TNIK: variants seen among roughly 807,000 people sequenced by gnomAD.
The protein encoded by TNIK is TRAF2 and NCK-interacting protein kinase.
TNIK carries 49 observed loss-of-function variants against 191.3 expected under a neutral mutation model. That is an observed-to-expected ratio of 0.26 (90% CI 0.20 to 0.32). TNIK has a LOEUF of 0.32. TNIK is among the 10% of genes least tolerant of loss of function. The pLI is 1.00. For missense variants in TNIK, 1,155 were observed against 1,702.3 expected, an observed-to-expected ratio of 0.68 and a Z score of 5.66; for synonymous variants, 594 against 600.9, an observed-to-expected ratio of 0.99 and a Z score of 0.17.
chr3:171,219,448 C>A (rs965461186), intron 3 of TNIK, among the ~76,000 whole-genome samples: 7 of 150,796 alleles, frequency 4.6e-5, no homozygotes, highest in African/African-American at 1.5e-4. Context: ...CCAGGTTCAA[C>A]CTTAGCAAGC....
intron 2 of TNIK, among the ~76,000 whole-genome samples, chr3:171,288,853 C>T (rs1751358491): frequency 7.0e-6 from 1 of 143,822 alleles, no homozygotes; most frequent in South Asian, 2.2e-4. Context: ...GAAGCACTAA[C>T]AATATTTGGC....
intron 28 of TNIK, among the ~76,000 whole-genome samples, chr3:171,073,287 TAAAC>T (rs1719440306): frequency 6.6e-6 from 1 of 151,630 alleles, no homozygotes; most frequent in Non-Finnish European, 1.5e-5. Flanking sequence ...TCAACAAACA[TAAAC>T]AATGAGGAAA....
chr3:171,434,458 TA>T (rs1404025952), intron 1 of TNIK, among the ~76,000 whole-genome samples: 5 of 151,626 alleles, frequency 3.3e-5, no homozygotes, highest in African/African-American at 1.2e-4. Context: ...TTTATTTATT[TA>T]TTTATTTATT....
chr3:171,313,807 G>A (rs771148039), intron 2 of TNIK, among the ~76,000 whole-genome samples: 23 of 152,060 alleles, frequency 1.5e-4, no homozygotes, highest in Non-Finnish European at 2.5e-4. Context: ...CAGTTATAGT[G>A]CTAAATGAAT....
chr3:171,380,130 C>T (rs577672304), intron 1 of TNIK, among the ~76,000 whole-genome samples: 1 of 152,286 alleles, frequency 6.6e-6, no homozygotes, highest in East Asian at 1.9e-4. Context: ...TGGTCCCTTC[C>T]CTCCCATCAT....
intron 2 of TNIK, among the ~76,000 whole-genome samples, chr3:171,280,432 T>A (rs1211965949): frequency 6.6e-6 from 1 of 152,220 alleles, no homozygotes; most frequent in Non-Finnish European, 1.5e-5. Flanking sequence ...GAACCTCAGT[T>A]TTTAAAATCT....
Position 171,061,801 on chromosome 3 carries a change from T to C in TNIK, c.*2080A>G, listed in dbSNP as rs181356430. ...CAATCCAAAAAGTTATTGCTGAATTTGTGGCATGGAATTTGAGAAGATAGT... is the reference window on the plus strand; with the variant it reads ...CAATCCAAAAAGTTATTGCTGAATTCGTGGCATGGAATTTGAGAAGATAGT... On this transcript the variant is annotated 3_prime_UTR_variant, in exon 33 of 33. Transcript: ENST00000436636. The C allele has an allele frequency of 1.2e-4, 18 of 152,302 alleles. 1 individual carries two copies. The East Asian group carries it at 3.5e-3, about 29-fold the overall frequency. The allele number at this position is 152,302 out of a possible 1,614,324, so 9.4% of individuals were successfully genotyped here. A position where few individuals can be genotyped will look rare whatever the true frequency, so the allele number is the denominator to read the frequency against.
intron 7 of TNIK, among the ~76,000 whole-genome samples, chr3:171,178,240 T>A (rs1477399197): frequency 6.6e-6 from 1 of 152,196 alleles, no homozygotes; most frequent in African/African-American, 2.4e-5. Context: ...TTATTTATAT[T>A]CAATTGGTTT....
intron 1 of TNIK, among the ~76,000 whole-genome samples, chr3:171,395,649 T>G (rs182620714): frequency 2.4e-3 from 365 of 152,328 alleles, no homozygotes; most frequent in African/African-American, 8.3e-3. Context: ...AAAAGATATC[T>G]TTTCTACGAT....
chr3:171,170,270 T>A (rs1735111513), intron 9 of TNIK, among the ~76,000 whole-genome samples: 1 of 152,238 alleles, frequency 6.6e-6, no homozygotes, highest in Admixed American at 6.5e-5. Context: ...TCAGAGTCAC[T>A]AAATACTTTA....
intron 2 of TNIK, among the ~76,000 whole-genome samples, chr3:171,250,364 C>T (rs1182719205): frequency 2.0e-5 from 3 of 152,070 alleles, no homozygotes; most frequent in Non-Finnish European, 2.9e-5. Context: ...AGCTCCAGTA[C>T]CTTAAAAATT....
At chr3:171,339,478 C>A (rs1221588125) in intron 2 of TNIK, among the ~76,000 whole-genome samples, 1 of 152,230 alleles carries the variant, frequency 6.6e-6, no homozygotes, top group Non-Finnish European at 1.5e-5. Context: ...CAGTCCCCAT[C>A]CATGGAAGCT....
intron 22 of TNIK, among the ~76,000 whole-genome samples, chr3:171,096,553 AT>A (rs1722741719): frequency 6.6e-6 from 1 of 152,090 alleles, no homozygotes; most frequent in South Asian, 2.1e-4. Flanking sequence ...TCCTATGTAC[AT>A]TATGCTAGAA....
At chr3:171,080,390 A>G (rs2108359475) in intron 27 of TNIK, among the ~76,000 whole-genome samples, 1 of 152,102 alleles carries the variant, frequency 6.6e-6, no homozygotes, top group South Asian at 2.1e-4. Flanking sequence ...TTTTTTGGAT[A>G]CTTATTTTTC....
At chr3:171,179,619 T>C (rs1736406060) in intron 7 of TNIK, among the ~76,000 whole-genome samples, 1 of 152,060 alleles carries the variant, frequency 6.6e-6, no homozygotes, top group African/African-American at 2.4e-5. Context: ...GCCCGGCTAA[T>C]TTTTTGTGTT....
chr3:171,080,976 C>G (rs1720601772), intron 27 of TNIK, among the ~76,000 whole-genome samples: 1 of 152,130 alleles, frequency 6.6e-6, no homozygotes, highest in Non-Finnish European at 1.5e-5. Context: ...TTCTCCTTTC[C>G]CTATCTGTGC....
intron 2 of TNIK, among the ~76,000 whole-genome samples, chr3:171,332,257 C>A (rs913220400): frequency 6.6e-6 from 1 of 152,128 alleles, no homozygotes; most frequent in African/African-American, 2.4e-5. Flanking sequence ...ATATAGCTAG[C>A]CCAAAATTTG....
intron 24 of TNIK, among the ~76,000 whole-genome samples, chr3:171,086,223 C>A (rs1721337249): frequency 6.6e-6 from 1 of 152,034 alleles, no homozygotes. Flanking sequence ...AGGAGAAAAC[C>A]ACAAAGATCT....
chr3:171,363,040 G>A (rs1322845785), intron 2 of TNIK, among the ~76,000 whole-genome samples: 1 of 152,092 alleles, frequency 6.6e-6, no homozygotes, highest in East Asian at 1.9e-4. Flanking sequence ...GTGATTTTTA[G>A]AGCAGTGGTT....
Sources: allele counts gnomAD v4.1 joint callset (sites outside exome capture counted in the v4.1 genomes callset), GRCh38; gene constraint gnomAD v4.1.1; transcripts MANE v1.5; gene names NCBI Gene and HGNC (gene_info 2026-07-23, HGNC 2026-07-21).